TRMT44: variants seen among roughly 807,000 people sequenced by gnomAD.
TRMT44 encodes tRNA methyltransferase 44 homolog.
In TRMT44, 78 loss-of-function variants were observed where a neutral mutation model predicts 77.3. The observed-to-expected ratio is 1.01, with a 90% CI of 0.84 to 1.22. The LOEUF is 1.22. TRMT44 is among the 50% of genes most tolerant of loss of function. The pLI is 0.00. For synonymous variants in TRMT44, 391 were observed against 383.3 expected, an observed-to-expected ratio of 1.02 and a Z score of -0.23; for missense variants, 1,090 against 964.4, an observed-to-expected ratio of 1.13 and a Z score of -1.73.
chr4:8,472,399 C>T (rs906668365), intron 10 of TRMT44, among the ~76,000 whole-genome samples: 26 of 152,152 alleles, frequency 1.7e-4, no homozygotes, highest in African/African-American at 5.1e-4. Flanking sequence ...GGGATGACAC[C>T]GAAGTCACAG....
intron 2 of TRMT44, among the ~76,000 whole-genome samples, chr4:8,484,384 G>A (rs973311009): frequency 8.5e-5 from 13 of 152,164 alleles, no homozygotes; most frequent in Non-Finnish European, 1.9e-4. Flanking sequence ...TATGCGTCAG[G>A]TGTGAGGAAG....
intron 2 of TRMT44, among the ~76,000 whole-genome samples, chr4:8,490,940 A>C (rs1469473584): frequency 4.6e-5 from 7 of 152,142 alleles, no homozygotes; most frequent in Admixed American, 4.6e-4. Context: ...GAGTATCGAC[A>C]CAAAGGTTCT....
At chr4:8,453,325 C>A (rs1725576983) in intron 5 of TRMT44, 1 of 165,292 alleles carries the variant, frequency 6.0e-6, no homozygotes, top group Non-Finnish European at 1.3e-5. Context: ...AGATAAAAAG[C>A]AAGGCAGGTT....
At chr4:8,515,428 C>T in the TRMT44 span, among the ~76,000 whole-genome samples, 2,741 of 152,274 alleles carry the variant, frequency 0.018, 84 homozygotes, top group African/African-American at 0.061. Flanking sequence ...CATAGAATGA[C>T]GAGAGCAGTT....
chr4:8,469,736 G>A (rs530677013), intron 9 of TRMT44, among the ~76,000 whole-genome samples: 1 of 152,326 alleles, frequency 6.6e-6, no homozygotes, highest in Admixed American at 6.5e-5. Context: ...TCTGGGGCTT[G>A]TTAGGGACTC....
chr4:8,505,065 C>G, the TRMT44 span, among the ~76,000 whole-genome samples: 1 of 152,168 alleles, frequency 6.6e-6, no homozygotes, highest in African/African-American at 2.4e-5. Context: ...GCTGATCTGT[C>G]CTTTCTCCTG....
At chr4:8,514,911 G>C in the TRMT44 span, among the ~76,000 whole-genome samples, 2 of 152,242 alleles carry the variant, frequency 1.3e-5, no homozygotes, top group African/African-American at 4.8e-5. Flanking sequence ...GAGCCGCAGA[G>C]TGATGCCTGC....
At chr4:8,490,462 C>T (rs1373495273) in intron 2 of TRMT44, among the ~76,000 whole-genome samples, 2 of 151,422 alleles carry the variant, frequency 1.3e-5, no homozygotes, top group Non-Finnish European at 2.9e-5. Context: ...GCTCTTAAGG[C>T]AGCGCGTCTG....
intron 1 of TRMT44, among the ~76,000 whole-genome samples, chr4:8,443,868 A>G (rs1724902526): frequency 6.6e-6 from 1 of 152,090 alleles, no homozygotes; most frequent in Non-Finnish European, 1.5e-5. Flanking sequence ...ACTGAGGCAG[A>G]AGAATGACGT....
downstream of TRMT44, among the ~76,000 whole-genome samples, chr4:8,497,419 G>A (rs1728179895): frequency 6.6e-6 from 1 of 152,190 alleles, no homozygotes; most frequent in Non-Finnish European, 1.5e-5. Flanking sequence ...GCCGAGGCGG[G>A]TGGATCACAA....
Position 8,440,914 on chromosome 4 carries a change from C to T in TRMT44, c.92C>T (p.Pro31Leu). ...WAAVEVWLER[P>L]QVANKRLCGA... Reference sequence around the variant, plus strand: ...GCGGTCGAAGTGTGGCTGGAGAGGCCGCAGGTGGCAAACAAACGGCTTTGC... The same window carrying T: ...GCGGTCGAAGTGTGGCTGGAGAGGCTGCAGGTGGCAAACAAACGGCTTTGC... Residue 31 changes from proline to leucine, a missense_variant, in exon 1 of 11, where the codon CCG (proline) becomes CTG (leucine). Coordinates refer to ENST00000389737, the MANE Select transcript of TRMT44 (RefSeq NM_152544.3). The T allele has an allele frequency of 6.5e-7, 1 of 1,530,446 alleles. No homozygotes were observed. The highest frequency in any genetic ancestry group is 8.7e-7 in the Non-Finnish European group (1 of 1,145,518). 94.8% of individuals were successfully genotyped at this position (1,530,446 alleles called of 1,614,324 possible).
At position 8,451,127 on chromosome 4, in the gene TRMT44, G is replaced by A. The variant is rs959358250; in HGVS notation, c.955-833G>A. Among the ~76,000 whole-genome samples, 1 of 152,060 alleles carries A rather than the reference G, an allele frequency of 6.6e-6. No individual in the cohort carries two copies. Among genetic ancestry groups the A allele is most frequent in the African/African-American group, 2.4e-5 (1 of 41,392 alleles). ...TAACAAAAGCACCCCAAAGGTCACA[G>A]GCTTAAAGCTGTGACCTTTCATTAT... On this transcript the variant is annotated intron_variant, in intron 3 of 10. Coordinates refer to ENST00000389737, the MANE Select transcript of TRMT44 (RefSeq NM_152544.3). This position sits in a 1 kb window ranked among gnomAD's most constrained non-coding sequence, Gnocchi z 4.1.
At chr4:8,488,693 G>A (rs973336164) in intron 2 of TRMT44, among the ~76,000 whole-genome samples, 12 of 152,334 alleles carry the variant, frequency 7.9e-5, no homozygotes, top group African/African-American at 2.6e-4. Context: ...GCTTGGCTTG[G>A]GCTCAGAGGC....
rs1382171925 is a variant in TRMT44, at chr4:8,461,941, CTTT to C, written c.1204-2039_1204-2037del. ...GTCAAAGGCCAGGCGTAGAATATAA[CTTT>C]TTTTCTTTCTTTCAAAAACCTCATT... On this transcript the variant is annotated intron_variant, in intron 6 of 10. Transcript: ENST00000389737. This position sits in a 1 kb window ranked among gnomAD's most constrained non-coding sequence, Gnocchi z 4.6. 6.6e-6 allele frequency among the ~76,000 whole-genome samples: 1 copy of C among 152,156 alleles called. No individual in the cohort carries two copies. The highest frequency in any genetic ancestry group is 2.4e-5 in the African/African-American group (1 of 41,432).
intron 9 of TRMT44, among the ~76,000 whole-genome samples, chr4:8,470,427 G>A (rs974599177): frequency 2.6e-5 from 4 of 152,246 alleles, no homozygotes; most frequent in African/African-American, 9.6e-5. Flanking sequence ...GGAAGTTCCT[G>A]GCAAATACAT....
chr4:8,490,455 C>T (rs1266586730), intron 2 of TRMT44, among the ~76,000 whole-genome samples: 1 of 151,914 alleles, frequency 6.6e-6, no homozygotes, highest in Admixed American at 6.6e-5. Flanking sequence ...TGTTACAGCT[C>T]TTAAGGCAGC....
intron 2 of TRMT44, among the ~76,000 whole-genome samples, chr4:8,490,287 A>G (rs1727956474): frequency 6.6e-6 from 1 of 152,230 alleles, no homozygotes; most frequent in Non-Finnish European, 1.5e-5. Flanking sequence ...TGACTTCAAG[A>G]ATGAAGCCAC....
In TRMT44 at chr4:8,467,916, CTG is replaced by C; in HGVS notation, c.1499_1500del (p.Cys500SerfsTer18). ...TGCTTTGCTTTCTTCAAACGCAGGT[CTG>C]TCTCGTTGGAAAATCCAGAACATAC... is the stretch of plus-strand genomic sequence containing the variant. Reference protein sequence around the residue: ...CLRIPSTKRVCLVGKSRTYPS... With the variant: ...CLRIPSTKRVXLVGKSRTYPS... On this transcript the variant is annotated frameshift_variant, in exon 9 of 11. Transcript: ENST00000389737. LOFTEE classifies it high-confidence loss of function. 6.3e-7 allele frequency: 1 copy of C among 1,599,304 alleles called. No individual in the cohort carries two copies. The highest frequency in any genetic ancestry group is 8.5e-7 in the Non-Finnish European group (1 of 1,169,704).
chr4:8,487,391 A>T lies in TRMT44; in HGVS notation n.3892-5875A>T, dbSNP rs569852574. 8.8e-4 allele frequency among the ~76,000 whole-genome samples: 134 copies of T among 152,024 alleles called. 1 individual carries two copies. The highest frequency in any genetic ancestry group is 3.2e-3 in the African/African-American group (132 of 41,458). On this transcript the variant is annotated intron_variant and non_coding_transcript_variant, in intron 2 of 2. Transcript: ENST00000511366. ...GGAGGGAAGGGGTTCGGGGGTTCTT[A>T]CCCTCCAGAAAAGCGGGAAAGGGGT... is the stretch of plus-strand genomic sequence containing the variant.
Sources: allele counts gnomAD v4.1 joint callset (sites outside exome capture counted in the v4.1 genomes callset), GRCh38; gene constraint gnomAD v4.1.1; non-coding constraint Gnocchi (gnomAD v3.1); transcripts MANE v1.5; gene names NCBI Gene and HGNC (gene_info 2026-07-23, HGNC 2026-07-21).